Variants in SNAP25 observed in about 807,000 individuals in gnomAD.
SNAP25 encodes synaptosome associated protein 25.
SNAP25 carries 3 observed loss-of-function variants against 28.7 expected under a neutral mutation model. The ratio of observed to expected loss-of-function variants is 0.10; its 90% confidence interval spans 0.05 to 0.27. SNAP25 has a LOEUF of 0.27. SNAP25 is among the 10% of genes least tolerant of loss of function. The pLI, the probability that SNAP25 is intolerant of heterozygous loss-of-function variation, is 1.00. For synonymous variants in SNAP25, 61 were observed against 88.1 expected (o/e 0.69, Z 1.72); for missense variants, 117 against 278.7 (o/e 0.42, Z 4.13).
intron 1 of SNAP25, among the ~76,000 whole-genome samples, chr20:10,222,329 TC>T (rs1465310645): frequency 6.6e-6 from 1 of 152,168 alleles, no homozygotes; most frequent in Non-Finnish European, 1.5e-5. Context: ...TAACATAAAA[TC>T]AGGAGGGCGA....
chr20:10,232,748 T>G (rs2062849213), intron 1 of SNAP25, among the ~76,000 whole-genome samples: 1 of 152,144 alleles, frequency 6.6e-6, no homozygotes, highest in Non-Finnish European at 1.5e-5. Context: ...TGCTATGAGT[T>G]AAAGAATGCA....
At chr20:10,245,625 A>G (rs565745212) in intron 1 of SNAP25, among the ~76,000 whole-genome samples, 1 of 152,214 alleles carries the variant, frequency 6.6e-6, no homozygotes, top group Non-Finnish European at 1.5e-5. Flanking sequence ...GTGTGCCCAG[A>G]TCCAAAGTCT....
At chr20:10,232,522 A>G (rs1012895844) in intron 1 of SNAP25, among the ~76,000 whole-genome samples, 19 of 152,338 alleles carry the variant, frequency 1.2e-4, no homozygotes, top group Admixed American at 4.6e-4. Context: ...CATTAAGGAG[A>G]CTTCACAGAA....
intron 1 of SNAP25, among the ~76,000 whole-genome samples, chr20:10,271,398 G>A (rs2063589327): frequency 6.6e-6 from 1 of 152,198 alleles, no homozygotes; most frequent in African/African-American, 2.4e-5. Flanking sequence ...TTAGGAGAGG[G>A]GGAATTGCTT....
At chr20:10,252,918 GAA>G (rs572798522) in intron 1 of SNAP25, among the ~76,000 whole-genome samples, 1 of 143,686 alleles carries the variant, frequency 7.0e-6, no homozygotes, top group African/African-American at 2.5e-5. Context: ...TTCTCCATCT[GAA>G]AAAAAAAAGG....
At chr20:10,301,491 A>G (rs1167416617) in intron 7 of SNAP25, among the ~76,000 whole-genome samples, 1 of 152,194 alleles carries the variant, frequency 6.6e-6, no homozygotes, top group African/African-American at 2.4e-5. Flanking sequence ...ATCATGTCGC[A>G]TGAACTGCAC....
intron 7 of SNAP25, among the ~76,000 whole-genome samples, chr20:10,304,652 C>T (rs1236212952): frequency 2.0e-5 from 3 of 152,154 alleles, no homozygotes; most frequent in Non-Finnish European, 4.4e-5. Context: ...TTAAGCAATT[C>T]AACTTTTTCT....
At chr20:10,268,985 A>G (rs1166953881) in intron 1 of SNAP25, among the ~76,000 whole-genome samples, 1 of 125,314 alleles carries the variant, frequency 8.0e-6, no homozygotes, top group Non-Finnish European at 1.7e-5. Flanking sequence ...GAGGGCCACA[A>G]GGGCACCCTA....
At chr20:10,231,249 A>T (rs1453428914) in intron 1 of SNAP25, among the ~76,000 whole-genome samples, 1 of 151,854 alleles carries the variant, frequency 6.6e-6, no homozygotes, top group Non-Finnish European at 1.5e-5. Context: ...TAAAATACCA[A>T]TTGCCCTTGG....
At chr20:10,292,425 A>G (rs953895817) in intron 4 of SNAP25, among the ~76,000 whole-genome samples, 2 of 152,198 alleles carry the variant, frequency 1.3e-5, no homozygotes, top group African/African-American at 4.8e-5. Context: ...TTGTCTCCAA[A>G]GAAGAAAATG....
chr20:10,266,247 G>A (rs2063504349), intron 1 of SNAP25, among the ~76,000 whole-genome samples: 1 of 152,140 alleles, frequency 6.6e-6, no homozygotes, highest in Non-Finnish European at 1.5e-5. Context: ...AGTTGTCTCA[G>A]CAGCAGTCAC....
At chr20:10,274,336 T>C (rs1307155730) in intron 1 of SNAP25, among the ~76,000 whole-genome samples, 5 of 152,070 alleles carry the variant, frequency 3.3e-5, no homozygotes, top group Admixed American at 2.0e-4. Flanking sequence ...CTGAAATAGA[T>C]GAAAGATTTT....
intron 1 of SNAP25, among the ~76,000 whole-genome samples, chr20:10,254,769 G>T (rs6077703): frequency 0.14 from 21,516 of 152,164 alleles, 1,930 homozygotes; most frequent in Middle Eastern, 0.22. Context: ...AGTTCCCCCA[G>T]GGCAAAGTGC....
rs36220354 is a variant in SNAP25, at chr20:10,260,688, TACACACAC to T, written c.-63-14713_-63-14706del. Among the ~76,000 whole-genome samples, 1,290 of 148,408 alleles carry T rather than the reference TACACACAC, an allele frequency of 8.7e-3. 9 individuals are homozygous for T. Among genetic ancestry groups the T allele is most frequent in the African/African-American group, 0.021 (827 of 40,110 alleles). ...AGGTTAATGGCATACTTAGACTCAC[TACACACAC>T]ACACACACACACACACACACACACA... On this transcript the variant is annotated intron_variant, in intron 1 of 7. Coordinates refer to ENST00000254976, the MANE Select transcript of SNAP25 (RefSeq NM_130811.4).
rs1296498203 is a variant in SNAP25 at position 10,306,158 on chromosome 20, G to C, written c.582G>C (p.Glu194Asp). The C allele has an allele frequency of 6.2e-7, 1 of 1,613,644 alleles. No individual in the cohort carries two copies. The highest frequency in any genetic ancestry group is 1.7e-5 in the Admixed American group (1 of 59,916). Residue 194 changes from glutamate (E) to aspartate (D), a missense_variant, in exon 8 of 8, where the codon GAG (glutamate) becomes GAC (aspartate). Physicochemically the swap from Glu to Asp is conservative, Grantham distance 45 (BLOSUM62 2). Around this residue, in one of 3 missense-constraint regions of SNAP25, gnomAD observed 88 missense variants for 206.9 expected, o/e 0.43. Coordinates refer to ENST00000254976, the MANE Select transcript of SNAP25 (RefSeq NM_130811.4). ...ATTCCAACAAAACCAGAATTGATGA[G>C]GCCAACCAACGTGCAACAAAGATGC... Reference protein sequence around the residue: ...KADSNKTRIDEANQRATKMLG... With the variant: ...KADSNKTRIDDANQRATKMLG...
At chr20:10,247,961 T>C (rs1009409442) in intron 1 of SNAP25, among the ~76,000 whole-genome samples, 1 of 152,224 alleles carries the variant, frequency 6.6e-6, no homozygotes, top group Non-Finnish European at 1.5e-5. Flanking sequence ...GAGGGCTCGT[T>C]GGTTTAGAGT....
chr20:10,247,434 C>T (rs2122780193), intron 1 of SNAP25, among the ~76,000 whole-genome samples: 1 of 152,330 alleles, frequency 6.6e-6, no homozygotes, highest in African/African-American at 2.4e-5. Context: ...TTTAGACCAA[C>T]ACAGGCATTA....
intron 1 of SNAP25, among the ~76,000 whole-genome samples, chr20:10,236,132 G>A (rs1170054215): frequency 6.6e-6 from 1 of 152,150 alleles, no homozygotes; most frequent in Non-Finnish European, 1.5e-5. Flanking sequence ...CCATCCTGTG[G>A]CTACACATCT....
At chr20:10,305,051 T>C (rs980920943) in intron 7 of SNAP25, among the ~76,000 whole-genome samples, 1 of 152,214 alleles carries the variant, frequency 6.6e-6, no homozygotes, top group African/African-American at 2.4e-5. Context: ...GTCTCATCAA[T>C]TTTAACTTTT....
Sources: allele counts gnomAD v4.1 joint callset (sites outside exome capture counted in the v4.1 genomes callset), GRCh38; gene constraint gnomAD v4.1.1; regional missense constraint gnomAD v4.1.1; transcripts MANE v1.5; gene names NCBI Gene and HGNC (gene_info 2026-07-23, HGNC 2026-07-21).